The following MID2 variants were observed in gnomAD, a reference collection of about 807,000 sequenced individuals.
MID2 encodes the protein midline 2, also known as probable E3 ubiquitin-protein ligase MID2.
MID2 carries 13 observed loss-of-function variants against 46.1 expected under a neutral mutation model. The observed-to-expected ratio is 0.28, with a 90% CI of 0.18 to 0.45. The LOEUF (loss-of-function observed/expected upper bound fraction) is 0.45. Among genes scored for constraint, MID2 ranks in the 20% least tolerant of loss-of-function variants. MID2 has a pLI of 1.00. For missense variants in MID2, 431 were observed against 575.4 expected (o/e 0.75, Z 2.57); for synonymous variants, 199 against 212.3 (o/e 0.94, Z 0.55).
At chrX:107,913,237 CT>C (rs1368623392) in intron 5 of MID2, among the ~76,000 whole-genome samples, 1 of 111,854 alleles carries the variant, frequency 8.9e-6, no homozygotes, top group African/African-American at 3.2e-5. Context: ...ACAAACTTTT[CT>C]CTATATCATT....
Position 107,903,972 on chromosome X carries a change from G to A in MID2, c.831G>A (p.Met277Ile), listed in dbSNP as rs756752848. 8.3e-6 allele frequency: 10 copies of A among 1,203,730 alleles called. No homozygotes were observed. The South Asian group carries it at 1.8e-4, about 21-fold the overall frequency. The change falls in exon 4 of 10, where the codon ATG becomes ATA. Residue 277 changes from methionine (M) to isoleucine (I), a missense_variant. Coordinates refer to ENST00000262843, the MANE Select transcript of MID2 (RefSeq NM_012216.4). ...TTTCTTGGCAGGTGAATACTGCTAT[G>A]CATGAGGCAAAACTTATGGAAGAAT... The part of the protein sequence containing the change: ...ICQQVEVNTA[M>I]HEAKLMEECD...
At chrX:107,861,031 G>A (rs1931840703) in intron 3 of MID2, among the ~76,000 whole-genome samples, 1 of 111,695 alleles carries the variant, frequency 9.0e-6, no homozygotes, top group Admixed American at 9.6e-5. Flanking sequence ...AATCATGGGT[G>A]GTTCCTGGAC....
intron 2 of MID2, among the ~76,000 whole-genome samples, chrX:107,844,267 T>C (rs1327272106): frequency 8.9e-6 from 1 of 111,797 alleles, no homozygotes; most frequent in Non-Finnish European, 1.9e-5. Flanking sequence ...TTTAGTTTCA[T>C]GATCTTATTT....
intron 7 of MID2, among the ~76,000 whole-genome samples, chrX:107,921,894 C>T (rs980632012): frequency 7.2e-5 from 8 of 110,758 alleles, no homozygotes; most frequent in Non-Finnish European, 1.5e-4. Flanking sequence ...CTTATTCTGT[C>T]CCAGCCTTGA....
In MID2 at chrX:107,930,053, A is replaced by T. The variant is rs748062105; in HGVS notation, c.*2980A>T. On this transcript the variant is annotated 3_prime_UTR_variant, in exon 10 of 10. Coordinates refer to ENST00000262843, the MANE Select transcript of MID2 (RefSeq NM_012216.4). ...TCTGATGCACCAAAAATTTTAATGAATAATCATCTTCCCTACTAGACTGAA... is the reference window on the plus strand; with the variant it reads ...TCTGATGCACCAAAAATTTTAATGATTAATCATCTTCCCTACTAGACTGAA... Among the ~76,000 whole-genome samples the T allele has an allele frequency of 8.9e-6, 1 of 112,031 alleles. No homozygotes were observed. Among genetic ancestry groups the T allele is most frequent in the South Asian group, 3.7e-4 (1 of 2,678 alleles).
intron 5 of MID2, among the ~76,000 whole-genome samples, chrX:107,913,369 C>T (rs971871405): frequency 8.9e-6 from 1 of 111,805 alleles, no homozygotes; most frequent in African/African-American, 3.3e-5. Flanking sequence ...GTTGAGTGCC[C>T]TTGTAGTTCT....
At chrX:107,888,687 G>A (rs1004764763) in intron 3 of MID2, among the ~76,000 whole-genome samples, 10 of 111,412 alleles carry the variant, frequency 9.0e-5, no homozygotes, top group Non-Finnish European at 1.7e-4. Context: ...CTTTCTGCCC[G>A]TTGATTTGTC....
intron 7 of MID2, among the ~76,000 whole-genome samples, chrX:107,918,766 ACT>A (rs1288478402): frequency 3.6e-5 from 4 of 111,606 alleles, no homozygotes; most frequent in Non-Finnish European, 7.5e-5. Context: ...TGTCTCTCCT[ACT>A]CTGGAAAGTC....
chrX:107,895,108 C>T (rs1357708707), intron 3 of MID2: 1 of 109,882 alleles, frequency 9.1e-6, no homozygotes, highest in Admixed American at 9.8e-5. Flanking sequence ...CTTACATAAC[C>T]ACACAACTAT....
intron 3 of MID2, among the ~76,000 whole-genome samples, chrX:107,870,343 T>C (rs1278478376): frequency 2.7e-5 from 3 of 110,493 alleles, no homozygotes; most frequent in African/African-American, 9.9e-5. Flanking sequence ...AGTAAATGCA[T>C]TTGAGACCTT....
chrX:107,837,288 T>C (rs989662713), intron 1 of MID2, among the ~76,000 whole-genome samples: 1 of 112,007 alleles, frequency 8.9e-6, no homozygotes, highest in African/African-American at 3.2e-5. Flanking sequence ...ATTGTTGTTA[T>C]ATAGTTTTCA....
intron 3 of MID2, among the ~76,000 whole-genome samples, chrX:107,883,632 C>T (rs773264488): frequency 1.8e-4 from 20 of 112,253 alleles, no homozygotes; most frequent in African/African-American, 6.5e-4. Flanking sequence ...ATACCAAATC[C>T]ATTTTTATCA....
chrX:107,845,930 G>A (rs773777342), intron 2 of MID2, among the ~76,000 whole-genome samples: 3 of 112,316 alleles, frequency 2.7e-5, no homozygotes, highest in African/African-American at 9.7e-5. Context: ...TAGGTTGAGA[G>A]TATATTTGCA....
At chrX:107,903,383 C>T (rs1389701614) in intron 3 of MID2, among the ~76,000 whole-genome samples, 2 of 109,246 alleles carry the variant, frequency 1.8e-5, no homozygotes, top group Non-Finnish European at 3.8e-5. Flanking sequence ...TAGCCAGTAT[C>T]CCAAAATAGG....
At chrX:107,868,746 A>G (rs1932007956) in intron 3 of MID2, among the ~76,000 whole-genome samples, 1 of 111,023 alleles carries the variant, frequency 9.0e-6, no homozygotes, top group Admixed American at 9.6e-5. Flanking sequence ...GGAGATATAG[A>G]GAGAGCTGTT....
chrX:107,826,497 G>T, intron 1 of MID2, 67 bp downstream of exon 1: 1 of 1,084,224 alleles, frequency 9.2e-7, no homozygotes, highest in Non-Finnish European at 1.2e-6. Flanking sequence ...GCTAGTCTCC[G>T]GCTCCGGCCG....
At chrX:107,844,920 AG>A (rs1350479521) in intron 2 of MID2, among the ~76,000 whole-genome samples, 1 of 112,140 alleles carries the variant, frequency 8.9e-6, no homozygotes, top group Non-Finnish European at 1.9e-5. Flanking sequence ...GTATTTCTTT[AG>A]TATTCTCCTT....
At chrX:107,838,790 C>T (rs762954960) in intron 1 of MID2, among the ~76,000 whole-genome samples, 5 of 111,871 alleles carry the variant, frequency 4.5e-5, no homozygotes, top group African/African-American at 6.5e-5. Flanking sequence ...AGATAATAAA[C>T]AAAAGCTACT....
chrX:107,868,052 G>A (rs1195794122), intron 3 of MID2, among the ~76,000 whole-genome samples: 1 of 111,794 alleles, frequency 8.9e-6, no homozygotes, highest in Admixed American at 9.5e-5. Context: ...TGTGGTAATG[G>A]TTACAAAATT....
Sources: gnomAD v4.1 joint callset for allele counts (sites outside exome capture counted in the v4.1 genomes callset) on GRCh38, gnomAD v4.1.1 for gene constraint, MANE v1.5 for transcripts, NCBI Gene and HGNC (gene_info 2026-07-23, HGNC 2026-07-21) for gene names.